PCDH15: variants seen among roughly 807,000 people sequenced by gnomAD.
The protein encoded by PCDH15 is protocadherin-15.
A neutral mutation model predicts 178.5 loss-of-function variants in PCDH15; 129 were observed. The ratio of observed to expected loss-of-function variants is 0.72; its 90% CI spans 0.63 to 0.84. The LOEUF (loss-of-function observed/expected upper bound fraction) is 0.84, where lower values mean the gene tolerates loss of function less well. PCDH15 is among the 40% of genes least tolerant of loss of function. The pLI is 0.00. For synonymous variants in PCDH15, 800 were observed against 732.0 expected (o/e 1.09, Z -1.50); for missense variants, 2,230 against 2,099.9 (o/e 1.06, Z -1.21).
At chr10:54,889,485 A>G (rs1954421595) in intron 3 of PCDH15, among the ~76,000 whole-genome samples, 1 of 129,890 alleles carries the variant, frequency 7.7e-6, no homozygotes, top group African/African-American at 2.9e-5. Flanking sequence ...AGTATTTTGA[A>G]TAGCTAATTG....
At chr10:55,374,263 G>A (rs1395772676) in intron 2 of PCDH15, among the ~76,000 whole-genome samples, 1 of 152,042 alleles carries the variant, frequency 6.6e-6, no homozygotes, top group African/African-American at 2.4e-5. Flanking sequence ...TTGGTCTTTT[G>A]TTTTTCAGCA....
chr10:54,145,650 CAG>C (rs1290252939), intron 14 of PCDH15, among the ~76,000 whole-genome samples: 1 of 151,866 alleles, frequency 6.6e-6, no homozygotes, highest in Admixed American at 6.6e-5. Flanking sequence ...CATTAATAGA[CAG>C]AGGAAAACTC....
rs1055163256 is a variant in PCDH15, at chr10:53,922,357, C to G, written c.3373+16458G>C. 3.3e-5 allele frequency among the ~76,000 whole-genome samples: 5 copies of G among 152,148 alleles called. No individual in the cohort carries two copies. The East Asian group carries it at 9.7e-4, about 29-fold the overall frequency. On this transcript the variant is annotated intron_variant, in intron 25 of 37. Transcript: ENST00000644397. ...TTCTTATGTTACAATAAGTTAAGTA[C>G]TTTTCTGATATGATAGTCCTTAAAA...
chr10:55,280,721 G>A lies in PCDH15; in HGVS notation c.-156+38878C>T, dbSNP rs534800784. 9.9e-5 allele frequency among the ~76,000 whole-genome samples: 15 copies of A among 151,970 alleles called. No individual in the cohort carries two copies. The East Asian group carries it at 2.3e-3, about 23-fold the overall frequency. On this transcript the variant is annotated intron_variant, in intron 1 of 5. Transcript: ENST00000458638. ...CTATGTAGATAGAGTCTAGTAAACC[G>A]CATTCACCTAGAAGAACTAAAACTA...
chr10:53,992,405 A>T (rs2091580964), intron 21 of PCDH15, among the ~76,000 whole-genome samples: 1 of 152,330 alleles, frequency 6.6e-6, no homozygotes, highest in African/African-American at 2.4e-5. Context: ...ACATGTTCCA[A>T]TTACTACTCT....
At chr10:55,623,751 A>G (rs1352281571) in intron 2 of PCDH15, among the ~76,000 whole-genome samples, 3 of 150,940 alleles carry the variant, frequency 2.0e-5, no homozygotes, top group African/African-American at 4.9e-5. Context: ...ATTTTGAAAA[A>G]GGCAGTCTTT....
At chr10:54,718,276 A>T (rs951504231) in intron 1 of PCDH15, among the ~76,000 whole-genome samples, 2 of 152,068 alleles carry the variant, frequency 1.3e-5, no homozygotes, top group East Asian at 1.9e-4. Context: ...ATAATAATAA[A>T]AAGAAAATGA....
chr10:53,955,955 G>A (rs889611829), intron 23 of PCDH15, among the ~76,000 whole-genome samples: 1 of 151,994 alleles, frequency 6.6e-6, no homozygotes, highest in African/African-American at 2.4e-5. Context: ...AATGGCATAG[G>A]CATATTGCCA....
At chr10:54,753,200 A>AT (rs1395258027) in intron 1 of PCDH15, among the ~76,000 whole-genome samples, 1 of 150,162 alleles carries the variant, frequency 6.7e-6, no homozygotes, top group African/African-American at 2.4e-5. Context: ...TTTTTTTTTT[A>AT]TTTTCGAGAC....
At chr10:54,288,726 C>T (rs963003200) in intron 8 of PCDH15, among the ~76,000 whole-genome samples, 5 of 152,352 alleles carry the variant, frequency 3.3e-5, no homozygotes, top group East Asian at 1.9e-4. Context: ...GTGCCTGGCT[C>T]GTCAGGTCCC....
rs532683830 is a variant in PCDH15, at chr10:54,922,421, C to T, written c.-79-24921G>A. On this transcript the variant is annotated intron_variant, in intron 2 of 5. Transcript: ENST00000458638. ...GGCCCTATGCAATTCCAAACCCAGC[C>T]GGGCAGTCATTAAATCTCAAAGCTT... 9.2e-5 allele frequency among the ~76,000 whole-genome samples: 14 copies of T among 152,184 alleles called. No homozygotes were observed. The South Asian group carries it at 1.5e-3, about 16-fold the overall frequency.
intron 16 of PCDH15, among the ~76,000 whole-genome samples, chr10:54,088,409 C>T (rs892310906): frequency 1.3e-5 from 2 of 152,048 alleles, no homozygotes; most frequent in Admixed American, 6.6e-5. Context: ...TAGATTATTT[C>T]TCTTTATTAA....
At chr10:54,910,321 A>T (rs1954797205) in intron 2 of PCDH15, among the ~76,000 whole-genome samples, 1 of 152,108 alleles carries the variant, frequency 6.6e-6, no homozygotes. Flanking sequence ...CTGAGCAAAA[A>T]ACTCCATTCA....
At chr10:53,883,606 T>C (rs991128132) in intron 26 of PCDH15, among the ~76,000 whole-genome samples, 1 of 152,222 alleles carries the variant, frequency 6.6e-6, no homozygotes, top group African/African-American at 2.4e-5. Flanking sequence ...AAGATATGTA[T>C]GTTTTTAAGT....
intron 2 of PCDH15, among the ~76,000 whole-genome samples, chr10:55,073,174 T>A (rs1841796672): frequency 1.3e-5 from 2 of 151,976 alleles, no homozygotes; most frequent in South Asian, 4.2e-4. Context: ...AAGCATTCCC[T>A]TTGAAAACTG....
chr10:55,489,193 T>G (rs1444786787), intron 2 of PCDH15, among the ~76,000 whole-genome samples: 2 of 151,470 alleles, frequency 1.3e-5, no homozygotes, highest in Non-Finnish European at 3.0e-5. Context: ...ATAAATTTAG[T>G]TATAAGATTA....
chr10:54,328,949 CTA>C (rs1273127585), intron 7 of PCDH15, among the ~76,000 whole-genome samples: 1 of 151,854 alleles, frequency 6.6e-6, no homozygotes, highest in Non-Finnish European at 1.5e-5. Context: ...ATAAGCATGT[CTA>C]TGTTATATAA....
chr10:54,000,537 A>T (rs1333970842), intron 20 of PCDH15, among the ~76,000 whole-genome samples: 1 of 152,118 alleles, frequency 6.6e-6, no homozygotes, highest in African/African-American at 2.4e-5. Flanking sequence ...AATGCAACTG[A>T]CACCCTGAAG....
In PCDH15 at chr10:53,806,481, G is replaced by A. The variant is rs1841166027; in HGVS notation, c.*98C>T. The A allele has an allele frequency of 1.9e-6, 2 of 1,042,430 alleles. No homozygotes were observed. Among genetic ancestry groups the A allele is most frequent in the East Asian group, 2.6e-5 (1 of 38,202 alleles). 64.6% of individuals were successfully genotyped at this position (1,042,430 alleles called of 1,614,324 possible). A position where few individuals can be genotyped will look rare whatever the true frequency, so the allele number is the denominator to read the frequency against. On this transcript the variant is annotated 3_prime_UTR_variant, in exon 38 of 38. Coordinates refer to ENST00000644397, the MANE Select transcript of PCDH15 (RefSeq NM_001384140.1). ...GTTCAAAGTTTTAGCTTGTGTGCAT[G>A]ATATAAATTCCATACATTGTTTTCT...
Sources: allele counts gnomAD v4.1 joint callset (sites outside exome capture counted in the v4.1 genomes callset), GRCh38; gene constraint gnomAD v4.1.1; transcripts MANE v1.5; gene names NCBI Gene and HGNC (gene_info 2026-07-23, HGNC 2026-07-21).